Variants in CEP350 observed in about 807,000 individuals in gnomAD.
The protein encoded by CEP350 is centrosome-associated protein 350.
A neutral mutation model predicts 331.8 loss-of-function variants in CEP350; 126 were observed. The observed-to-expected ratio is 0.38, with a 90% confidence interval of 0.33 to 0.44. CEP350 has a LOEUF of 0.44. CEP350 is among the 20% of genes least tolerant of loss of function. The pLI is 1.00. For synonymous variants in CEP350, 1,200 were observed against 1,259.5 expected (o/e 0.95, Z 1.00); for missense variants, 3,406 against 3,634.6 (o/e 0.94, Z 1.62).
At position 180,093,069 on chromosome 1, in the gene CEP350, C is replaced by T. The variant is rs367984556; in HGVS notation, c.6964C>T (p.Leu2322Phe). 1.9e-6 allele frequency: 3 copies of T among 1,605,516 alleles called. No homozygotes were observed. Among genetic ancestry groups the T allele is most frequent in the South Asian group, 2.2e-5 (2 of 89,528 alleles). Residue 2322 changes from leucine (L) to phenylalanine (F), a missense_variant, in exon 34 of 38, where the codon CTC becomes TTC. This residue lies in a region of CEP350 where 1,415 missense variants were observed against 1,512.3 expected (regional missense o/e 0.94). Coordinates refer to ENST00000367607, the MANE Select transcript of CEP350 (RefSeq NM_014810.5). ...CCTAGTTGGATTAGCTATTGAAAATCTCCATAAAAGTGAGGAAATGTTGAA... is the reference window on the plus strand; with the variant it reads ...CCTAGTTGGATTAGCTATTGAAAATTTCCATAAAAGTGAGGAAATGTTGAA... Reference protein sequence around the residue: ...KDLVGLAIENLHKSEEMLKER... With the variant: ...KDLVGLAIENFHKSEEMLKER...
At chr1:180,016,716 C>T (rs983159337) in intron 11 of CEP350, among the ~76,000 whole-genome samples, 4 of 137,334 alleles carry the variant, frequency 2.9e-5, no homozygotes, top group Non-Finnish European at 6.1e-5. Flanking sequence ...GATTGGAGTG[C>T]AGTGGCACAG....
Position 180,059,206 on chromosome 1 carries a change from C to G in CEP350, c.5263-3014C>G, listed in dbSNP as rs552438239. 3.3e-5 allele frequency among the ~76,000 whole-genome samples: 5 copies of G among 152,294 alleles called. No individual in the cohort carries two copies. In the East Asian group the frequency reaches 9.6e-4, roughly 29 times the overall value. ...AAGTTAGTGGAAGTTTCAAAACGTA[C>G]TCTGTGAAACTCTGGCCTCTAAGAC... On this transcript the variant is annotated intron_variant, in intron 25 of 37. Transcript: ENST00000367607.
intron 1 of CEP350, chr1:179,969,515 G>A (rs563484414): frequency 2.2e-6 from 1 of 446,140 alleles, no homozygotes; most frequent in African/African-American, 2.0e-5. Context: ...GCCTTAAGCT[G>A]TTCTTGCATG....
intron 15 of CEP350, among the ~76,000 whole-genome samples, chr1:180,033,435 T>C (rs1199979606): frequency 6.6e-6 from 1 of 152,190 alleles, no homozygotes; most frequent in Non-Finnish European, 1.5e-5. Context: ...TTGTCTTTTC[T>C]TACCTTTTAA....
intron 11 of CEP350, among the ~76,000 whole-genome samples, chr1:180,018,167 G>A (rs553559518): frequency 2.0e-5 from 3 of 152,080 alleles, no homozygotes; most frequent in East Asian, 3.9e-4. Flanking sequence ...CACCACGCCT[G>A]GCTAATTTTA....
At chr1:180,045,576 A>G (rs1261809456) in intron 21 of CEP350, among the ~76,000 whole-genome samples, 1 of 152,206 alleles carries the variant, frequency 6.6e-6, no homozygotes, top group Admixed American at 6.5e-5. Flanking sequence ...TTGAGTAGCT[A>G]TTATGTCTCT....
chr1:180,112,985 G>A lies in CEP350; in HGVS notation c.*1824G>A, dbSNP rs948193278. ...GGTCTCGGGAAATGCTCAGATTGAT[G>A]TCTTACCAGCATTTCTTCTGGGCTT... On this transcript the variant is annotated 3_prime_UTR_variant, in exon 38 of 38. Transcript: ENST00000367607. 2.0e-5 allele frequency: 3 copies of A among 152,606 alleles called. No homozygotes were observed. Among genetic ancestry groups the A allele is most frequent in the Non-Finnish European group, 4.4e-5 (3 of 68,028 alleles). The allele number at this position is 152,606 out of a possible 1,614,324, so 9.5% of individuals were successfully genotyped here.
intron 1 of CEP350, among the ~76,000 whole-genome samples, chr1:179,980,900 G>A (rs915096601): frequency 6.6e-6 from 1 of 151,956 alleles, no homozygotes; most frequent in Non-Finnish European, 1.5e-5. Flanking sequence ...ATTACATTGG[G>A]TTAAAAAATT....
At chr1:180,080,446 A>G in intron 29 of CEP350, 71 bp from the exon 30 acceptor site, 1 of 1,318,888 alleles carries the variant, frequency 7.6e-7, no homozygotes, top group Non-Finnish European at 1.1e-6. Context: ...TATGGCTAGT[A>G]TGTCAAATTT....
intron 1 of CEP350, among the ~76,000 whole-genome samples, chr1:179,976,676 A>C (rs1472697253): frequency 6.6e-6 from 1 of 152,066 alleles, no homozygotes; most frequent in Non-Finnish European, 1.5e-5. Flanking sequence ...GAAATATATG[A>C]ATGTAAGAAA....
intron 16 of CEP350, among the ~76,000 whole-genome samples, chr1:180,034,794 G>T (rs1417774596): frequency 6.6e-6 from 1 of 151,838 alleles, no homozygotes; most frequent in South Asian, 2.1e-4. Context: ...CCTCCCTCTG[G>T]CCTCCTTATC....
intron 37 of CEP350, among the ~76,000 whole-genome samples, chr1:180,106,375 G>T (rs530134109): frequency 6.6e-6 from 1 of 152,072 alleles, no homozygotes; most frequent in Non-Finnish European, 1.5e-5. Flanking sequence ...GGGGCTTTAC[G>T]TAACAACTTT....
At chr1:179,962,718 A>G (rs149081054) in intron 1 of CEP350, among the ~76,000 whole-genome samples, 5 of 152,174 alleles carry the variant, frequency 3.3e-5, no homozygotes, top group Non-Finnish European at 7.4e-5. Flanking sequence ...TATCTGATCT[A>G]CTGTTGATAG....
chr1:180,099,491 T>C (rs762332364), intron 37 of CEP350, among the ~76,000 whole-genome samples: 4 of 152,214 alleles, frequency 2.6e-5, no homozygotes, highest in Non-Finnish European at 5.9e-5. Context: ...ATTATCATTA[T>C]CCAGAACATT....
At chr1:179,964,488 G>A (rs999589521) in intron 1 of CEP350, among the ~76,000 whole-genome samples, 1 of 151,932 alleles carries the variant, frequency 6.6e-6, no homozygotes, top group South Asian at 2.1e-4. Context: ...GTATAATTTG[G>A]CTGTGAATGC....
At chr1:180,022,332 T>G (rs1553256166) in intron 12 of CEP350, among the ~76,000 whole-genome samples, 1 of 152,136 alleles carries the variant, frequency 6.6e-6, no homozygotes, top group Non-Finnish European at 1.5e-5. Context: ...CTGAAATATT[T>G]AGAGATGAAA....
chr1:180,043,315 G>A (rs1656892283), intron 20 of CEP350, 123 bp downstream of exon 20: 1 of 1,153,286 alleles, frequency 8.7e-7, no homozygotes, highest in East Asian at 2.7e-5. Context: ...ACAGTTATGG[G>A]CATAGTCTAG....
At chr1:179,987,125 A>G (rs1416185995) in intron 2 of CEP350, 115 bp from the exon 3 acceptor site, 2 of 606,060 alleles carry the variant, frequency 3.3e-6, no homozygotes, top group East Asian at 3.5e-5. Context: ...GTTCTGCCTA[A>G]TAAGGTAGTT....
At chr1:180,044,612 G>GT (rs1158152853) in intron 21 of CEP350, among the ~76,000 whole-genome samples, 2 of 144,626 alleles carry the variant, frequency 1.4e-5, no homozygotes, top group African/African-American at 5.1e-5. Context: ...TCACTCATAG[G>GT]TGGGAATTGA....
Sources: gnomAD v4.1 joint callset for allele counts (sites outside exome capture counted in the v4.1 genomes callset) on GRCh38, gnomAD v4.1.1 for gene constraint, gnomAD v4.1.1 regional missense constraint, MANE v1.5 for transcripts, NCBI Gene and HGNC (gene_info 2026-07-23, HGNC 2026-07-21) for gene names.